RAB28: variants seen among roughly 807,000 people sequenced by gnomAD.
RAB28 encodes ras-related protein Rab-28.
A neutral mutation model predicts 31.7 loss-of-function variants in RAB28; 24 were observed. The ratio of observed to expected loss-of-function variants is 0.76; its 90% CI spans 0.55 to 1.06. The LOEUF (loss-of-function observed/expected upper bound fraction) is 1.06. Ranked by LOEUF, RAB28 falls within the 50% of genes least tolerant of loss-of-function variation. RAB28 has a pLI of 0.00. For missense variants in RAB28, 254 were observed against 258.5 expected (o/e 0.98, Z 0.12); for synonymous variants, 100 against 90.4 (o/e 1.11, Z -0.60).
chr4:13,412,020 C>CA (rs1326578822), intron 4 of RAB28, among the ~76,000 whole-genome samples: 9,920 of 119,940 alleles, frequency 0.083, 387 homozygotes, highest in Non-Finnish European at 0.12. Flanking sequence ...ATTCAAAAGT[C>CA]AAAAAAAAAA....
intron 6 of RAB28, chr4:13,370,279 T>C: frequency 6.2e-6 from 6 of 960,540 alleles, no homozygotes; most frequent in Non-Finnish European, 7.4e-6. Flanking sequence ...AACACAATTA[T>C]ATATAACATA....
In RAB28 at chr4:13,414,570, A is replaced by G. The variant is rs150522578; in HGVS notation, c.392-32976T>C. 4.6e-3 allele frequency among the ~76,000 whole-genome samples: 698 copies of G among 152,350 alleles called. 6 individuals are homozygous for G. The highest frequency in any genetic ancestry group is 0.016 in the African/African-American group (665 of 41,592). ...CTATGTCACTTCAACCAACTACAGT[A>G]AACAGAAACATATGGGGTATTTCCC... On this transcript the variant is annotated intron_variant, in intron 4 of 6. Transcript: ENST00000330852.
intron 4 of RAB28, among the ~76,000 whole-genome samples, chr4:13,396,268 T>C (rs990073257): frequency 6.6e-6 from 1 of 151,990 alleles, no homozygotes; most frequent in African/African-American, 2.4e-5. Context: ...CTGGTTATAC[T>C]CAATTCAAAC....
At chr4:13,373,708 G>A (rs964553694) in intron 6 of RAB28, among the ~76,000 whole-genome samples, 8 of 152,088 alleles carry the variant, frequency 5.3e-5, no homozygotes, top group Non-Finnish European at 7.4e-5. Context: ...TAAACTAGCA[G>A]AATCTCTTTA....
At chr4:13,371,556 G>A in intron 6 of RAB28, 1 of 985,128 alleles carries the variant, frequency 1.0e-6, no homozygotes, top group Non-Finnish European at 1.2e-6. Context: ...AATTAATGAA[G>A]AATTAACAAG....
intron 6 of RAB28, among the ~76,000 whole-genome samples, chr4:13,373,629 C>T (rs567535390): frequency 6.6e-6 from 1 of 152,240 alleles, no homozygotes; most frequent in South Asian, 2.1e-4. Flanking sequence ...CTCTTCCTTG[C>T]AAAGCTTGCA....
chr4:13,461,997 T>G (rs28643550), intron 3 of RAB28, among the ~76,000 whole-genome samples: 13,865 of 152,244 alleles, frequency 0.091, 1,225 homozygotes, highest in African/African-American at 0.23. Context: ...ATGGAGCCAG[T>G]ATTTGAACCA....
rs1041997911 is a variant in RAB28 at position 13,368,333 on chromosome 4, T to G, written c.*225A>C. The G allele has an allele frequency of 8.4e-7, 1 of 1,186,004 alleles. No homozygotes were observed. The highest frequency in any genetic ancestry group is 1.0e-6 in the Non-Finnish European group (1 of 958,568). 73.5% of individuals were successfully genotyped at this position (1,186,004 alleles called of 1,614,324 possible). ...AATGAAGCAGTCTAATTCCAGGGAA[T>G]GGGTTTTCCATTTTGAATTCAAAGT... On this transcript the variant is annotated 3_prime_UTR_variant, in exon 7 of 7. Transcript: ENST00000330852.
Position 13,474,314 on chromosome 4 carries a change from A to G in RAB28, c.261+4T>C, listed in dbSNP as rs1207762250. On this transcript the variant is annotated splice_donor_region_variant and intron_variant, in intron 3 of 6. Coordinates refer to ENST00000330852, the MANE Select transcript of RAB28 (RefSeq NM_001017979.3). ...TACTGGAATAATCAGAATTCATATC[A>G]TACCTGTGCTCCATAGATATATTTA... 6.4e-7 allele frequency: 1 copy of G among 1,561,030 alleles called. No individual in the cohort carries two copies. Among genetic ancestry groups the G allele is most frequent in the African/African-American group, 1.4e-5 (1 of 73,572 alleles).
At chr4:13,425,396 C>A (rs1012674565) in intron 4 of RAB28, among the ~76,000 whole-genome samples, 9 of 152,132 alleles carry the variant, frequency 5.9e-5, no homozygotes, top group Non-Finnish European at 1.3e-4. Context: ...AGACTGAATT[C>A]CATGTAAAAC....
chr4:13,394,515 A>C (rs576386983), intron 4 of RAB28, among the ~76,000 whole-genome samples: 30 of 152,286 alleles, frequency 2.0e-4, no homozygotes, highest in African/African-American at 7.0e-4. Context: ...AGGCCATGTA[A>C]CAGTAGCAGT....
At chr4:13,373,347 G>C (rs1363665509) in intron 6 of RAB28, among the ~76,000 whole-genome samples, 3 of 152,124 alleles carry the variant, frequency 2.0e-5, no homozygotes, top group Non-Finnish European at 4.4e-5. Flanking sequence ...CTACCTTAGA[G>C]GATAATGGTT....
intron 4 of RAB28, among the ~76,000 whole-genome samples, chr4:13,397,874 A>G (rs1711517771): frequency 6.6e-6 from 1 of 152,158 alleles, no homozygotes; most frequent in African/African-American, 2.4e-5. Flanking sequence ...CATTGTGTTT[A>G]TAGTGTACAA....
intron 4 of RAB28, among the ~76,000 whole-genome samples, chr4:13,441,526 T>C (rs1488414512): frequency 2.0e-5 from 3 of 152,328 alleles, no homozygotes; most frequent in Non-Finnish European, 4.4e-5. Context: ...TGTGCTACAG[T>C]GATACCTAAA....
At chr4:13,439,188 T>C (rs1187485241) in intron 4 of RAB28, among the ~76,000 whole-genome samples, 1 of 152,206 alleles carries the variant, frequency 6.6e-6, no homozygotes, top group Non-Finnish European at 1.5e-5. Context: ...AGACATGATT[T>C]GTAAATATTT....
chr4:13,425,076 T>A (rs1713400020), intron 4 of RAB28, among the ~76,000 whole-genome samples: 2 of 152,146 alleles, frequency 1.3e-5, no homozygotes, highest in Non-Finnish European at 1.5e-5. Context: ...TGTTGCTAAA[T>A]CCAGCAGTAA....
intron 4 of RAB28, among the ~76,000 whole-genome samples, chr4:13,401,583 G>T (rs1711763455): frequency 6.6e-6 from 1 of 152,168 alleles, no homozygotes. Context: ...TCAATTAACA[G>T]AAGTAAATAT....
chr4:13,433,483 C>G (rs1713929612), intron 4 of RAB28, among the ~76,000 whole-genome samples: 1 of 152,074 alleles, frequency 6.6e-6, no homozygotes, highest in Admixed American at 6.6e-5. Context: ...CGAAAACACC[C>G]TACTAAAAAG....
intron 4 of RAB28, among the ~76,000 whole-genome samples, chr4:13,430,179 T>C (rs941421391): frequency 2.6e-5 from 4 of 152,252 alleles, no homozygotes; most frequent in Non-Finnish European, 5.9e-5. Context: ...AAAAATTTTT[T>C]TTTTACTCAA....
Sources: allele counts gnomAD v4.1 joint callset (sites outside exome capture counted in the v4.1 genomes callset), GRCh38; gene constraint gnomAD v4.1.1; transcripts MANE v1.5; gene names NCBI Gene and HGNC (gene_info 2026-07-23, HGNC 2026-07-21).